VSTM2L: variants seen among roughly 807,000 people sequenced by gnomAD.
VSTM2L encodes V-set and transmembrane domain-containing protein 2-like protein.
Under a neutral mutation model 19.9 loss-of-function variants are expected in VSTM2L, and 9 were observed. The observed-to-expected ratio is 0.45, with a 90% CI of 0.27 to 0.79. VSTM2L has a LOEUF of 0.79. Among genes scored for constraint, VSTM2L ranks in the 30% least tolerant of loss-of-function variants. The pLI is 0.15. For missense variants in VSTM2L, 286 were observed against 295.5 expected (o/e 0.97, Z 0.24); for synonymous variants, 127 against 133.8 (o/e 0.95, Z 0.35).
intron 3 of VSTM2L, 62 bp from the exon 4 acceptor site, chr20:37,943,919 C>CCCCCCCGGGGGG: frequency 1.9e-6 from 1 of 518,968 alleles, no homozygotes. Context: ...CCCCCCCCCC[C>CCCCCCCGGGGGG]GACTCTTCTT....
rs2122948575 is a variant in VSTM2L, at chr20:37,916,393, A to G, written c.121+12922A>G. 2.0e-5 allele frequency among the ~76,000 whole-genome samples: 3 copies of G among 152,298 alleles called. No homozygotes were observed. In the Middle Eastern group the frequency reaches 0.01, roughly 518 times the overall value. On this transcript the variant is annotated intron_variant, in intron 1 of 3. Coordinates refer to ENST00000373461, the MANE Select transcript of VSTM2L (RefSeq NM_080607.3). Reference sequence around the variant, plus strand: ...TGCTCTCACTCCTTGTGGCCCAGACATGTGGGAAGAGGAGGCGGGAATTCC... The same window carrying G: ...TGCTCTCACTCCTTGTGGCCCAGACGTGTGGGAAGAGGAGGCGGGAATTCC...
Position 37,941,116 on chromosome 20 carries a change from A to G in VSTM2L, c.343-2865A>G, listed in dbSNP as rs985780038. On this transcript the variant is annotated intron_variant, in intron 3 of 3. Coordinates refer to ENST00000373461, the MANE Select transcript of VSTM2L (RefSeq NM_080607.3). Reference sequence around the variant, plus strand: ...GGGTCCCTGCATTCAACAAATGTTGATGATTATTTACGGAGTGCTGGGCTC... The same window carrying G: ...GGGTCCCTGCATTCAACAAATGTTGGTGATTATTTACGGAGTGCTGGGCTC... Among the ~76,000 whole-genome samples, 11 of 152,322 alleles carry G rather than the reference A, an allele frequency of 7.2e-5. 1 individual carries two copies. In the South Asian group the frequency reaches 2.3e-3, roughly 32 times the overall value.
At chr20:37,943,607 A>G (rs1042745462) in intron 3 of VSTM2L, among the ~76,000 whole-genome samples, 1 of 151,974 alleles carries the variant, frequency 6.6e-6, no homozygotes, top group African/African-American at 2.4e-5. Flanking sequence ...GAAGACCCCA[A>G]AACCAGTATA....
chr20:37,935,488 C>T lies in VSTM2L; in HGVS notation c.342+1899C>T, dbSNP rs148839374. 1.3e-3 allele frequency among the ~76,000 whole-genome samples: 192 copies of T among 152,266 alleles called. No homozygotes were observed. The South Asian group carries it at 0.015, about 12-fold the overall frequency. The stretch of plus-strand genomic sequence containing the variant: ...CCTGACCTCACCCCCCTTCCCCTCC[C>T]GACCCTGGCAGCCTTTCCACCTTCC... On this transcript the variant is annotated intron_variant, in intron 3 of 3. Transcript: ENST00000373461.
At chr20:37,943,404 T>C (rs559151817) in intron 3 of VSTM2L, among the ~76,000 whole-genome samples, 2 of 150,458 alleles carry the variant, frequency 1.3e-5, no homozygotes, top group African/African-American at 4.9e-5. Context: ...GTCTCCTGAG[T>C]AGCTGGGACT....
chr20:37,910,941 A>G (rs1009128509), intron 1 of VSTM2L, among the ~76,000 whole-genome samples: 2 of 150,390 alleles, frequency 1.3e-5, no homozygotes, highest in African/African-American at 4.9e-5. Flanking sequence ...AAGAAAAAGA[A>G]GAAGAAGAAG....
chr20:37,928,157 C>A (rs1377622107), intron 1 of VSTM2L, among the ~76,000 whole-genome samples: 1 of 152,186 alleles, frequency 6.6e-6, no homozygotes, highest in Non-Finnish European at 1.5e-5. Context: ...AGGGTCCTCA[C>A]CCCTCTCCTC....
At chr20:37,908,357 T>C (rs2072762208) in intron 1 of VSTM2L, among the ~76,000 whole-genome samples, 1 of 152,042 alleles carries the variant, frequency 6.6e-6, no homozygotes, top group Non-Finnish European at 1.5e-5. Flanking sequence ...GGGCAGGAGA[T>C]GGAGCTTTTG....
At chr20:37,904,520 TG>T (rs2072740609) in intron 1 of VSTM2L, among the ~76,000 whole-genome samples, 1 of 151,458 alleles carries the variant, frequency 6.6e-6, no homozygotes, top group Admixed American at 6.6e-5. Flanking sequence ...GGGCTCCCCC[TG>T]ACCCCTGTGA....
At chr20:37,931,504 G>C (rs2072908582) in intron 1 of VSTM2L, 131 bp from the exon 2 acceptor site, 2 of 1,001,718 alleles carry the variant, frequency 2.0e-6, no homozygotes, top group African/African-American at 1.6e-5. Context: ...CAGCGGGCTT[G>C]CAGGTCACCC....
chr20:37,944,360 C>A lies in VSTM2L; in HGVS notation c.*107C>A. 7.8e-7 allele frequency: 1 copy of A among 1,289,504 alleles called. No homozygotes were observed. Among genetic ancestry groups the A allele is most frequent in the South Asian group, 2.0e-5 (1 of 50,368 alleles). 79.9% of individuals were successfully genotyped at this position (1,289,504 alleles called of 1,614,324 possible). ...CCTGCGTCCAGCCGCGCCCCATCCC[C>A]GAGGCCGCCTGTGGCCACCATGTCG... On this transcript the variant is annotated 3_prime_UTR_variant, in exon 4 of 4. Coordinates refer to ENST00000373461, the MANE Select transcript of VSTM2L (RefSeq NM_080607.3).
intron 1 of VSTM2L, among the ~76,000 whole-genome samples, chr20:37,908,082 G>A (rs1036665971): frequency 1.3e-5 from 2 of 152,220 alleles, no homozygotes; most frequent in Non-Finnish European, 2.9e-5. Context: ...TGGGCTGAGG[G>A]TTTCCCGGCC....
chr20:37,903,227 G>C lies in VSTM2L; in HGVS notation c.-124G>C, dbSNP rs2072731132. ...GAGCTGGGCCGGGTCCGGGGACAGC[G>C]GGCGAGGGGCAGCTGCCGGAGCCGG... On this transcript the variant is annotated 5_prime_UTR_variant, in exon 1 of 4. Coordinates refer to ENST00000373461, the MANE Select transcript of VSTM2L (RefSeq NM_080607.3). The C allele has an allele frequency of 1.7e-6, 2 of 1,181,764 alleles. No homozygotes were observed. Among genetic ancestry groups the C allele is most frequent in the South Asian group, 3.5e-5 (1 of 28,258 alleles). 73.2% of individuals were successfully genotyped at this position (1,181,764 alleles called of 1,614,324 possible).
At chr20:37,928,574 C>A (rs1446969895) in intron 1 of VSTM2L, among the ~76,000 whole-genome samples, 1 of 152,206 alleles carries the variant, frequency 6.6e-6, no homozygotes, top group African/African-American at 2.4e-5. Flanking sequence ...GGGCAAAAAG[C>A]AAGACCGTGT....
intron 1 of VSTM2L, among the ~76,000 whole-genome samples, chr20:37,907,555 G>A (rs2072757466): frequency 6.6e-6 from 1 of 152,110 alleles, no homozygotes; most frequent in African/African-American, 2.4e-5. Flanking sequence ...TTTCACAGGG[G>A]AGGGAGAGGT....
At position 37,903,464 on chromosome 20, in the gene VSTM2L, C is replaced by T. The variant is rs769140626; in HGVS notation, c.114C>T (p.Ser38=). The T allele has an allele frequency of 1.6e-5, 23 of 1,479,602 alleles. No homozygotes were observed. The highest frequency in any genetic ancestry group is 9.3e-5 in the Admixed American group (4 of 42,952). The allele number at this position is 1,479,602 out of a possible 1,614,324, so 91.7% of individuals were successfully genotyped here. Residue 38 remains serine, a synonymous_variant, in exon 1 of 4, where the codon TCC becomes TCT. Coordinates refer to ENST00000373461, the MANE Select transcript of VSTM2L (RefSeq NM_080607.3). ...ACGCGCCCTGGGACAACCACGTCTC[C>T]GGCCACGGTGAGTTCGGTCGCCGCC... ...AGHAPWDNHV[S]GHALFTETPH... is the part of the protein sequence containing the mutation.
chr20:37,906,344 C>A (rs1305284239), intron 1 of VSTM2L, among the ~76,000 whole-genome samples: 1 of 152,154 alleles, frequency 6.6e-6, no homozygotes, highest in African/African-American at 2.4e-5. Flanking sequence ...AGGCATCAGG[C>A]ACTGGGAGGT....
intron 3 of VSTM2L, among the ~76,000 whole-genome samples, chr20:37,938,359 G>A (rs191028117): frequency 6.6e-6 from 1 of 152,328 alleles, no homozygotes. Context: ...AGGGGCCAGC[G>A]AAGTGCTGGG....
intron 1 of VSTM2L, among the ~76,000 whole-genome samples, chr20:37,930,814 C>T (rs2122965976): frequency 6.6e-6 from 1 of 152,284 alleles, no homozygotes; most frequent in East Asian, 1.9e-4. Flanking sequence ...GAATTCCGTA[C>T]CCATTCCATC....
Sources: gnomAD v4.1 joint callset for allele counts (sites outside exome capture counted in the v4.1 genomes callset) on GRCh38, gnomAD v4.1.1 for gene constraint, MANE v1.5 for transcripts, NCBI Gene and HGNC (gene_info 2026-07-23, HGNC 2026-07-21) for gene names.